Variants in ZNF423 observed in about 807,000 individuals in gnomAD.
The protein encoded by ZNF423 is zinc finger protein 423.
ZNF423 carries 12 observed loss-of-function variants against 95.8 expected under a neutral mutation model. The ratio of observed to expected loss-of-function variants is 0.13; its 90% CI spans 0.08 to 0.20. The LOEUF is 0.20. Ranked by LOEUF, ZNF423 falls within the 10% of genes least tolerant of loss-of-function variation. The pLI is 1.00. For synonymous variants in ZNF423, 749 were observed against 711.9 expected, an observed-to-expected ratio of 1.05 and a Z score of -0.83; for missense variants, 1,316 against 1,737.1, an observed-to-expected ratio of 0.76 and a Z score of 4.31.
intron 3 of ZNF423, among the ~76,000 whole-genome samples, chr16:49,640,075 G>A (rs1052532608): frequency 6.6e-6 from 1 of 152,106 alleles, no homozygotes; most frequent in African/African-American, 2.4e-5. Flanking sequence ...ATTCGGCTCC[G>A]CTGACCTTGC....
chr16:49,598,864 T>C (rs1226952920), intron 5 of ZNF423, among the ~76,000 whole-genome samples: 1 of 152,208 alleles, frequency 6.6e-6, no homozygotes, highest in Non-Finnish European at 1.5e-5. Context: ...TTCTAAAGGG[T>C]CTGAAAGTAT....
Position 49,492,384 on chromosome 16 carries a change from A to G in ZNF423, c.3850-1080T>C, listed in dbSNP as rs1967004830. ...TCCTGCAGCTGTGCCGCTGACCGCC[A>G]GGGGTCAGCAGAGGCACCGCGTCTC... On this transcript the variant is annotated intron_variant, in intron 7 of 7. Transcript: ENST00000563137. The surrounding 1 kb of genome is among the most constrained non-coding windows in gnomAD (Gnocchi z 4.2). Among the ~76,000 whole-genome samples the G allele has an allele frequency of 6.6e-6, 1 of 152,202 alleles. No homozygotes were observed. The highest frequency in any genetic ancestry group is 1.5e-5 in the Non-Finnish European group (1 of 67,974).
intron 1 of ZNF423, among the ~76,000 whole-genome samples, chr16:49,825,281 A>G (rs960429263): frequency 1.3e-5 from 2 of 152,186 alleles, no homozygotes; most frequent in Non-Finnish European, 2.9e-5. Context: ...GGCAAAAGGA[A>G]GAGAGATAGG....
At chr16:49,791,162 G>A (rs1395813304) in intron 1 of ZNF423, among the ~76,000 whole-genome samples, 1 of 152,164 alleles carries the variant, frequency 6.6e-6, no homozygotes, top group East Asian at 1.9e-4. Context: ...TTCCAAGCCC[G>A]CATCCTGAGA....
At chr16:49,841,609 C>T (rs1449809602) in intron 1 of ZNF423, among the ~76,000 whole-genome samples, 3 of 152,224 alleles carry the variant, frequency 2.0e-5, no homozygotes, top group Non-Finnish European at 4.4e-5. Flanking sequence ...CCAGGCTTTA[C>T]CTGATTCCCC....
At position 49,765,470 on chromosome 16, in the gene ZNF423, G is replaced by A. The variant is rs573951923; in HGVS notation, c.100+24017C>T. Among the ~76,000 whole-genome samples the A allele has an allele frequency of 1.3e-3, 192 of 152,148 alleles. 1 individual carries two copies. Among genetic ancestry groups the A allele is most frequent in the Admixed American group, 2.5e-3 (38 of 15,282 alleles). On this transcript the variant is annotated intron_variant, in intron 2 of 7. Transcript: ENST00000563137. The stretch of plus-strand genomic sequence containing the variant: ...TCAGGACTGTAATCCCAGCACTTTG[G>A]GAGGCCAAGGCAGGAGGATTTCTTG...
chr16:49,658,922 C>A (rs902834828), intron 3 of ZNF423, among the ~76,000 whole-genome samples: 1 of 152,258 alleles, frequency 6.6e-6, no homozygotes, highest in Non-Finnish European at 1.5e-5. Context: ...CCACTGGAAC[C>A]AGGCCCTCAT....
chr16:49,674,600 T>C (rs891800188), intron 3 of ZNF423, among the ~76,000 whole-genome samples: 5 of 152,176 alleles, frequency 3.3e-5, no homozygotes, highest in Admixed American at 6.5e-5. Context: ...AACAAAGCTG[T>C]ACTTCAGGGA....
chr16:49,800,929 C>G (rs1293896919), intron 1 of ZNF423, among the ~76,000 whole-genome samples: 2 of 152,218 alleles, frequency 1.3e-5, no homozygotes, highest in Non-Finnish European at 2.9e-5. Flanking sequence ...TCGTTCTGTC[C>G]TGGTCCAGCC....
chr16:49,746,741 C>A (rs955682057), intron 2 of ZNF423, among the ~76,000 whole-genome samples: 3 of 152,118 alleles, frequency 2.0e-5, no homozygotes, highest in African/African-American at 7.2e-5. Context: ...CAAAGTGCTG[C>A]GGTTACAGGC....
chr16:49,690,266 G>A (rs920947913), intron 3 of ZNF423, among the ~76,000 whole-genome samples: 46 of 152,228 alleles, frequency 3.0e-4, no homozygotes, highest in African/African-American at 1.1e-3. Context: ...TGTGAACACA[G>A]AACTGTCAAG....
intron 5 of ZNF423, among the ~76,000 whole-genome samples, chr16:49,585,140 C>G (rs1970788234): frequency 1.3e-5 from 2 of 152,242 alleles, no homozygotes; most frequent in African/African-American, 4.8e-5. Flanking sequence ...GCAACAGGGA[C>G]TTGAAGGTAA....
At chr16:49,523,809 A>C (rs1597047489) in intron 6 of ZNF423, 70 bp from the exon 7 acceptor site, 1 of 1,267,960 alleles carries the variant, frequency 7.9e-7, no homozygotes. Flanking sequence ...AGCTGCCCCC[A>C]CAACACTCGC....
At chr16:49,551,157 C>T (rs1056888786) in intron 5 of ZNF423, among the ~76,000 whole-genome samples, 1 of 152,242 alleles carries the variant, frequency 6.6e-6, no homozygotes, top group Admixed American at 6.5e-5. Flanking sequence ...ATGTGTGTTC[C>T]CACCACCCTC....
At chr16:49,696,833 G>A (rs567490182) in intron 3 of ZNF423, among the ~76,000 whole-genome samples, 5 of 152,264 alleles carry the variant, frequency 3.3e-5, no homozygotes, top group African/African-American at 7.2e-5. Flanking sequence ...GAGGCTCCTC[G>A]AAGGGACAAA....
Position 49,515,921 on chromosome 16 carries a change from C to T in ZNF423, c.3849+7703G>A, listed in dbSNP as rs560818370. 2.4e-3 allele frequency among the ~76,000 whole-genome samples: 362 copies of T among 152,300 alleles called. 3 individuals carry two copies. The highest frequency in any genetic ancestry group is 8.0e-3 in the African/African-American group (333 of 41,570). On this transcript the variant is annotated intron_variant, in intron 7 of 7. Coordinates refer to ENST00000563137, the MANE Select transcript of ZNF423 (RefSeq NM_001379286.1). ...CCCCTCCCCTCAGGGTGGCTAACCG[C>T]TGGCATGGGGCCGATAGGGCCCCAG... is the stretch of plus-strand genomic sequence containing the variant.
Position 49,805,365 on chromosome 16 carries a change from C to T in ZNF423, c.41-15819G>A, listed in dbSNP as rs1023224600. Among the ~76,000 whole-genome samples, 12 of 152,312 alleles carry T rather than the reference C, an allele frequency of 7.9e-5. 1 individual carries two copies. The highest frequency in any genetic ancestry group is 2.9e-4 in the African/African-American group (12 of 41,560). ...CGTTACCACGTTCATGCTGATACTC[C>T]CAATGGCCCTACAAAAGCAGGTACT... On this transcript the variant is annotated intron_variant, in intron 1 of 7. Coordinates refer to ENST00000563137, the MANE Select transcript of ZNF423 (RefSeq NM_001379286.1).
chr16:49,792,036 C>T (rs564741868), intron 1 of ZNF423, among the ~76,000 whole-genome samples: 155 of 145,818 alleles, frequency 1.1e-3, no homozygotes, highest in Admixed American at 2.0e-3. Flanking sequence ...GAAAGTGGAT[C>T]GGTGGTTGCC....
rs1971204049 is a variant in ZNF423 at position 49,597,028 on chromosome 16, A to G, written c.3601+29142T>C. ...TTCGGGCTCCATCCAACCACCTAAG[A>G]GCTCTCTCTGGGCATCGAGAGATCT... On this transcript the variant is annotated intron_variant, in intron 5 of 7. Coordinates refer to ENST00000563137, the MANE Select transcript of ZNF423 (RefSeq NM_001379286.1). 2.0e-5 allele frequency among the ~76,000 whole-genome samples: 3 copies of G among 152,106 alleles called. No individual in the cohort carries two copies. The South Asian group carries it at 6.2e-4, about 31-fold the overall frequency.
Sources: allele counts gnomAD v4.1 joint callset (sites outside exome capture counted in the v4.1 genomes callset), GRCh38; gene constraint gnomAD v4.1.1; non-coding constraint Gnocchi (gnomAD v3.1); transcripts MANE v1.5; gene names NCBI Gene and HGNC (gene_info 2026-07-23, HGNC 2026-07-21).